The following ZSCAN22 variants were observed in gnomAD, a reference collection of about 807,000 sequenced individuals.
ZSCAN22 encodes zinc finger and SCAN domain-containing protein 22.
Under a neutral mutation model 12.4 loss-of-function variants are expected in ZSCAN22, and 7 were observed. The observed-to-expected ratio is 0.57, with a 90% CI of 0.32 to 1.06. The LOEUF (loss-of-function observed/expected upper bound fraction) is 1.06, where lower values mean the gene tolerates loss of function less well. ZSCAN22 is among the 50% of genes least tolerant of loss of function. The pLI, the probability that ZSCAN22 is intolerant of heterozygous loss-of-function variation, is 0.04. For synonymous variants in ZSCAN22, 243 were observed against 255.9 expected (o/e 0.95, Z 0.48); for missense variants, 576 against 631.7 (o/e 0.91, Z 0.94).
rs776967557 is a variant in ZSCAN22, at chr19:58,338,875, AC to A, written c.1027del (p.Gln343LysfsTer53). The A allele has an allele frequency of 1.9e-6, 3 of 1,614,084 alleles. No individual in the cohort carries two copies. The highest frequency in any genetic ancestry group is 2.5e-6 in the Non-Finnish European group (3 of 1,179,934). On this transcript the variant is annotated frameshift_variant, in exon 3 of 3. Coordinates refer to ENST00000329665, the MANE Select transcript of ZSCAN22 (RefSeq NM_181846.3). LOFTEE classifies it low-confidence loss of function (END_TRUNC). This position sits in a 1 kb window ranked among gnomAD's most constrained non-coding sequence, Gnocchi z 5.4. ...AGCCGAGTCACCCACCTGACTCAGC[AC>A]CAAAGGATTCATACTGGAGAGAAAC... ...AFSRVTHLTQ[H>X]QRIHTGEKPY...
At chr19:58,337,809 C>A (rs2051814949) in intron 2 of ZSCAN22, among the ~76,000 whole-genome samples, 1 of 143,214 alleles carries the variant, frequency 7.0e-6, no homozygotes, top group African/African-American at 2.6e-5. Context: ...GAGATCAGAG[C>A]CTGCAGGGGA....
intron 1 of ZSCAN22, among the ~76,000 whole-genome samples, chr19:58,327,554 A>G (rs1335974913): frequency 2.0e-5 from 3 of 151,954 alleles, no homozygotes; most frequent in African/African-American, 7.3e-5. Flanking sequence ...TGTGGGGCGG[A>G]CCCGTTTATG....
At chr19:58,328,126 T>A (rs561123183) in intron 1 of ZSCAN22, among the ~76,000 whole-genome samples, 1 of 152,148 alleles carries the variant, frequency 6.6e-6, no homozygotes, top group African/African-American at 2.4e-5. Flanking sequence ...GCTGGGATTA[T>A]AGGCATGAGC....
chr19:58,335,001 C>T lies in ZSCAN22; in HGVS notation c.199C>T (p.Leu67=). Residue 67 remains leucine, a synonymous_variant, in exon 2 of 3, where the codon CTG becomes TTG. Transcript: ENST00000329665. The surrounding 1 kb of genome is among the most constrained non-coding windows in gnomAD (Gnocchi z 4.1). ...YEEASGPHEA[L]AHLRALCCQW... ...GGAGGCATCTGGTCCACACGAGGCC[C>T]TGGCCCACCTCCGAGCGCTGTGCTG... 1 of 1,614,126 alleles carries T rather than the reference C, an allele frequency of 6.2e-7. No homozygotes were observed. The highest frequency in any genetic ancestry group is 1.3e-5 in the African/African-American group (1 of 75,070).
intron 1 of ZSCAN22, among the ~76,000 whole-genome samples, chr19:58,328,685 C>T (rs959273214): frequency 2.0e-5 from 3 of 152,132 alleles, no homozygotes; most frequent in Non-Finnish European, 2.9e-5. Flanking sequence ...GTTTCACATA[C>T]ATGTATTTCA....
rs1457199780 is a variant in ZSCAN22 at position 58,341,136 on chromosome 19, C to G, written c.*1810C>G. On this transcript the variant is annotated 3_prime_UTR_variant, in exon 3 of 3. Coordinates refer to ENST00000329665, the MANE Select transcript of ZSCAN22 (RefSeq NM_181846.3). ...TATGTTTACATGGATGTCTCCCCAG[C>G]AGCTTGAACCCTGGAGAGCAAGAAT... 1 of 152,186 alleles carries G rather than the reference C, an allele frequency of 6.6e-6. No individual in the cohort carries two copies. The allele number at this position is 152,186 out of a possible 1,614,324, so 9.4% of individuals were successfully genotyped here.
In ZSCAN22 at chr19:58,340,205, C is replaced by T. The variant is rs1228692866; in HGVS notation, c.*879C>T. 6.6e-6 allele frequency: 1 copy of T among 152,310 alleles called. No homozygotes were observed. The highest frequency in any genetic ancestry group is 1.5e-5 in the Non-Finnish European group (1 of 68,120). The allele number at this position is 152,310 out of a possible 1,614,324, so 9.4% of individuals were successfully genotyped here. A position where few individuals can be genotyped will look rare whatever the true frequency, so the allele number is the denominator to read the frequency against. On this transcript the variant is annotated 3_prime_UTR_variant, in exon 3 of 3. Coordinates refer to ENST00000329665, the MANE Select transcript of ZSCAN22 (RefSeq NM_181846.3). ...GGAAAGCTCTCCAACCCATCTTCTACAGCACAGCTTCCTGAACAGGGTATA... is the reference window on the plus strand; with the variant it reads ...GGAAAGCTCTCCAACCCATCTTCTATAGCACAGCTTCCTGAACAGGGTATA...
chr19:58,334,925 C>T lies in ZSCAN22; in HGVS notation c.123C>T (p.His41=). The T allele has an allele frequency of 1.9e-6, 3 of 1,614,174 alleles. No individual in the cohort carries two copies. The highest frequency in any genetic ancestry group is 2.2e-5 in the South Asian group (2 of 91,090). The change falls in exon 2 of 3, where the codon CAC becomes CAT. Residue 41 remains histidine, a synonymous_variant. Coordinates refer to ENST00000329665, the MANE Select transcript of ZSCAN22 (RefSeq NM_181846.3). ...AGGGCGGAGAATCCAGCCATGACCA[C>T]ATTGCTCACTCTGAGGCTGCACGCC... is the stretch of plus-strand genomic sequence containing the variant. ...LSQGGESSHD[H]IAHSEAARLR...
rs2051770398 is a variant in ZSCAN22 at position 58,334,745 on chromosome 19, C to T, written c.-51-7C>T. 2 of 1,494,010 alleles carry T rather than the reference C, an allele frequency of 1.3e-6. No individual in the cohort carries two copies. The highest frequency in any genetic ancestry group is 2.4e-5 in the East Asian group (1 of 42,236). The allele number at this position is 1,494,010 out of a possible 1,614,324, so 92.5% of individuals were successfully genotyped here. A position where few individuals can be genotyped will look rare whatever the true frequency, so the allele number is the denominator to read the frequency against. ...CATGTGATGCTGAAGCTCTGACATT[C>T]CTGCAGGCCCAGTTCCAAGGCTCCG... On this transcript the variant is annotated splice_polypyrimidine_tract_variant and splice_region_variant and intron_variant, in intron 1 of 2. Coordinates refer to ENST00000329665, the MANE Select transcript of ZSCAN22 (RefSeq NM_181846.3).
intron 1 of ZSCAN22, among the ~76,000 whole-genome samples, chr19:58,331,026 C>G (rs1389798884): frequency 6.6e-6 from 1 of 152,158 alleles, no homozygotes; most frequent in Admixed American, 6.5e-5. Context: ...AAAACCCCTG[C>G]CCTTAATGTG....
chr19:58,338,566 A>G lies in ZSCAN22; in HGVS notation c.716A>G (p.Gln239Arg), dbSNP rs376968574. The change falls in exon 3 of 3, where the codon CAA becomes CGA. Residue 239 changes from glutamine to arginine, a missense_variant. By Grantham distance (43) the Gln-to-Arg change is conservative (BLOSUM62 1). Coordinates refer to ENST00000329665, the MANE Select transcript of ZSCAN22 (RefSeq NM_181846.3). The surrounding 1 kb of genome is among the most constrained non-coding windows in gnomAD (Gnocchi z 5.4). ...AGTGCGTGGCCAAACCTCACCTCCCAAGAGAAGCCTCCTTCAGAAGACAAA... is the reference window on the plus strand; with the variant it reads ...AGTGCGTGGCCAAACCTCACCTCCCGAGAGAAGCCTCCTTCAGAAGACAAA... ...SSSAWPNLTS[Q>R]EKPPSEDKFD... is the part of the protein sequence containing the mutation. The G allele has an allele frequency of 1.5e-5, 25 of 1,614,102 alleles. No homozygotes were observed. The highest frequency in any genetic ancestry group is 1.9e-5 in the Non-Finnish European group (22 of 1,180,054).
At position 58,338,140 on chromosome 19, in the gene ZSCAN22, C is replaced by T; in HGVS notation, c.404-114C>T. 2.1e-6 allele frequency: 2 copies of T among 961,480 alleles called. No homozygotes were observed. Among genetic ancestry groups the T allele is most frequent in the Non-Finnish European group, 1.5e-6 (1 of 651,406 alleles). The allele number at this position is 961,480 out of a possible 1,614,324, so 59.6% of individuals were successfully genotyped here. A position where few individuals can be genotyped will look rare whatever the true frequency, so the allele number is the denominator to read the frequency against. ...AGAAACTTCCCCTTGGAACTGGGGC[C>T]AGATGTTAGGAACGGGCCACATCTC... On this transcript the variant is annotated intron_variant, in intron 2 of 2. Coordinates refer to ENST00000329665, the MANE Select transcript of ZSCAN22 (RefSeq NM_181846.3). This position sits in a 1 kb window ranked among gnomAD's most constrained non-coding sequence, Gnocchi z 5.4.
At chr19:58,334,663 A>T in intron 1 of ZSCAN22, 89 bp from the exon 2 acceptor site, 1 of 963,254 alleles carries the variant, frequency 1.0e-6, no homozygotes, top group Non-Finnish European at 1.5e-6. Flanking sequence ...TTCACATCTC[A>T]CGGGCCACAA....
intron 1 of ZSCAN22, among the ~76,000 whole-genome samples, chr19:58,334,256 G>GT (rs1410501018): frequency 6.6e-6 from 1 of 152,192 alleles, no homozygotes. Flanking sequence ...CTGAGTGTCT[G>GT]TTTTTCCATC....
At chr19:58,330,036 C>A (rs565156828) in intron 1 of ZSCAN22, among the ~76,000 whole-genome samples, 2 of 152,186 alleles carry the variant, frequency 1.3e-5, no homozygotes, top group Non-Finnish European at 2.9e-5. Context: ...TGCCTGTAAT[C>A]CCAGCAATTT....
At chr19:58,327,634 C>A (rs1437373972) in intron 1 of ZSCAN22, among the ~76,000 whole-genome samples, 3 of 152,094 alleles carry the variant, frequency 2.0e-5, no homozygotes, top group Non-Finnish European at 2.9e-5. Flanking sequence ...GTGTGTGATT[C>A]TGATAGGTTG....
intron 2 of ZSCAN22, among the ~76,000 whole-genome samples, chr19:58,336,529 A>T (rs1333457676): frequency 6.6e-6 from 1 of 151,978 alleles, no homozygotes; most frequent in Non-Finnish European, 1.5e-5. Context: ...AGAGGAAGGA[A>T]GGGGGAGACA....
rs1338543853 is a variant in ZSCAN22, at chr19:58,341,733, C to G, written c.*2407C>G. 6.6e-6 allele frequency: 1 copy of G among 152,250 alleles called. No homozygotes were observed. The highest frequency in any genetic ancestry group is 2.4e-5 in the African/African-American group (1 of 41,458). The allele number at this position is 152,250 out of a possible 1,614,324, so 9.4% of individuals were successfully genotyped here. On this transcript the variant is annotated 3_prime_UTR_variant, in exon 3 of 3. Coordinates refer to ENST00000329665, the MANE Select transcript of ZSCAN22 (RefSeq NM_181846.3). The stretch of plus-strand genomic sequence containing the variant: ...GGAAAACTCAGAGAGGAGAGATGCA[C>G]ATTCCTAGTGAAATTGCACAGGCTT...
At position 58,338,693 on chromosome 19, in the gene ZSCAN22, G is replaced by A. The variant is rs200660868; in HGVS notation, c.843G>A (p.Ser281=). Residue 281 remains serine (S), a synonymous_variant, in exon 3 of 3, where the codon TCG becomes TCA. Coordinates refer to ENST00000329665, the MANE Select transcript of ZSCAN22 (RefSeq NM_181846.3). This position sits in a 1 kb window ranked among gnomAD's most constrained non-coding sequence, Gnocchi z 5.4. ...GTAGGAAGATGTTCCAGAGTGCTTCGGCGCTCGAGGCACACCAGAAGACCC... is the reference window on the plus strand; with the variant it reads ...GTAGGAAGATGTTCCAGAGTGCTTCAGCGCTCGAGGCACACCAGAAGACCC... The part of the protein sequence containing the change: ...RECRKMFQSA[S]ALEAHQKTHS... 80 of 1,614,170 alleles carry A rather than the reference G, an allele frequency of 5.0e-5. No individual in the cohort carries two copies. Among genetic ancestry groups the A allele is most frequent in the Non-Finnish European group, 6.0e-5 (71 of 1,180,036 alleles).
Sources: allele counts gnomAD v4.1 joint callset (sites outside exome capture counted in the v4.1 genomes callset), GRCh38; gene constraint gnomAD v4.1.1; non-coding constraint Gnocchi (gnomAD v3.1); transcripts MANE v1.5; gene names NCBI Gene and HGNC (gene_info 2026-07-23, HGNC 2026-07-21).